The following ATP2A3 variants were observed in gnomAD, a reference collection of about 807,000 sequenced individuals.
ATP2A3 encodes the protein ATPase sarcoplasmic/endoplasmic reticulum Ca2+ transporting 3.
ATP2A3 carries 61 observed loss-of-function variants against 106.8 expected under a neutral mutation model. That is an observed-to-expected ratio of 0.57 (90% CI 0.46 to 0.71). ATP2A3 has a LOEUF of 0.71. Among genes scored for constraint, ATP2A3 ranks in the 30% least tolerant of loss-of-function variants. The pLI is 0.00. For synonymous variants in ATP2A3, 611 were observed against 609.3 expected (o/e 1.00, Z -0.04); for missense variants, 1,201 against 1,423.5 (o/e 0.84, Z 2.52).
intron 1 of ATP2A3, among the ~76,000 whole-genome samples, chr17:3,957,170 C>T (rs933210): frequency 0.18 from 27,056 of 152,212 alleles, 2,588 homozygotes; most frequent in Middle Eastern, 0.24. Context: ...TAACTCCTTG[C>T]GTGCCTTATT....
Position 3,942,666 on chromosome 17 carries a change from G to A in ATP2A3, c.1485C>T (p.Ser495=), listed in dbSNP as rs538000025. The change falls in exon 12 of 21, where the codon TCC becomes TCT. Residue 495 remains serine, a synonymous_variant. Transcript: ENST00000397041. ...GAGGGCGGGTGGGCGTGCAGTACAC[G>A]GACATGGATTTCCGGTCTCGGGAGA... ...LEFSRDRKSM[S]VYCTPTRPHP... 23 of 1,613,642 alleles carry A rather than the reference G, an allele frequency of 1.4e-5. No individual in the cohort carries two copies. The highest frequency in any genetic ancestry group is 1.9e-5 in the Non-Finnish European group (22 of 1,179,968).
At chr17:3,945,190 CCCT>C (rs1478875264) in intron 8 of ATP2A3, 42 bp from the exon 9 acceptor site, 1 of 1,522,858 alleles carries the variant, frequency 6.6e-7, no homozygotes, top group Non-Finnish European at 8.9e-7. Context: ...GGGGTCGCCT[CCCT>C]CCTCCCCGGG....
At position 3,930,166 on chromosome 17, in the gene ATP2A3, C is replaced by A; in HGVS notation, c.2744+135G>T. 8.0e-7 allele frequency: 1 copy of A among 1,252,808 alleles called. No homozygotes were observed. The highest frequency in any genetic ancestry group is 1.1e-6 in the Non-Finnish European group (1 of 912,248). 77.6% of individuals were successfully genotyped at this position (1,252,808 alleles called of 1,614,324 possible). Reference sequence around the variant, plus strand: ...GATACTGGAACCCCCAGCCCTCAGCCCCCACTCCTCGGCCCCAGCTCCAGG... The same window carrying A: ...GATACTGGAACCCCCAGCCCTCAGCACCCACTCCTCGGCCCCAGCTCCAGG... On this transcript the variant is annotated intron_variant, in intron 18 of 20. Transcript: ENST00000397041. The surrounding 1 kb of genome is among the most constrained non-coding windows in gnomAD (Gnocchi z 5.4).
intron 11 of ATP2A3, 98 bp downstream of exon 11, chr17:3,943,285 AACAAAACG>A: frequency 2.0e-6 from 3 of 1,496,814 alleles, no homozygotes; most frequent in Non-Finnish European, 2.7e-6. Context: ...AAAAAAAAAA[AACAAAACG>A]AAACAAAACA....
intron 1 of ATP2A3, among the ~76,000 whole-genome samples, chr17:3,957,889 C>T (rs1441345920): frequency 2.0e-5 from 3 of 152,336 alleles, no homozygotes; most frequent in Non-Finnish European, 2.9e-5. Flanking sequence ...CAGGAGGTGC[C>T]GCTCTCTCTG....
rs1185148291 is a variant in ATP2A3, at chr17:3,953,950, G to A, written c.119-240C>T. 1.3e-5 allele frequency among the ~76,000 whole-genome samples: 2 copies of A among 152,002 alleles called. No homozygotes were observed. Among genetic ancestry groups the A allele is most frequent in the South Asian group, 2.1e-4 (1 of 4,832 alleles). On this transcript the variant is annotated intron_variant, in intron 1 of 20. Coordinates refer to ENST00000397041, the MANE Select transcript of ATP2A3 (RefSeq NM_005173.4). The surrounding 1 kb of genome is among the most constrained non-coding windows in gnomAD (Gnocchi z 5.1). ...AAGATCTAGGGTGACTTGGCTCATC[G>A]TGGGATGAGTACGGAGCCAAGAGGG...
chr17:3,934,094 T>G (rs1024758977), intron 17 of ATP2A3, among the ~76,000 whole-genome samples: 1 of 151,374 alleles, frequency 6.6e-6, no homozygotes, highest in Admixed American at 6.6e-5. Context: ...TGGGTAATTT[T>G]TGTATTTTTA....
Position 3,953,517 on chromosome 17 carries a change from C to T in ATP2A3, c.137-88G>A. The T allele has an allele frequency of 6.5e-7, 1 of 1,528,498 alleles. No individual in the cohort carries two copies. Among genetic ancestry groups the T allele is most frequent in the South Asian group, 1.1e-5 (1 of 88,592 alleles). 94.7% of individuals were successfully genotyped at this position (1,528,498 alleles called of 1,614,324 possible). A position where few individuals can be genotyped will look rare whatever the true frequency, so the allele number is the denominator to read the frequency against. On this transcript the variant is annotated intron_variant, in intron 2 of 20. Coordinates refer to ENST00000397041, the MANE Select transcript of ATP2A3 (RefSeq NM_005173.4). This position sits in a 1 kb window ranked among gnomAD's most constrained non-coding sequence, Gnocchi z 5.1. ...GGATGGCCCGGGAGACCTCCCGGCC[C>T]ATTCCCTCCCTGCACTCAGAAGAGG...
rs2053527037 is a variant in ATP2A3, at chr17:3,937,646, A to G, written c.2101-10T>C. On this transcript the variant is annotated splice_polypyrimidine_tract_variant and intron_variant, in intron 14 of 20. Coordinates refer to ENST00000397041, the MANE Select transcript of ATP2A3 (RefSeq NM_005173.4). ...TCACTCCATCGCCAGTCTGTGGGCC[A>G]GGTCAGGTAGGGCTGTGCCTGAGAA... is the stretch of plus-strand genomic sequence containing the variant. The G allele has an allele frequency of 6.2e-7, 1 of 1,612,646 alleles. No individual in the cohort carries two copies. The highest frequency in any genetic ancestry group is 1.3e-5 in the African/African-American group (1 of 74,906).
chr17:3,943,314 T>C, intron 11 of ATP2A3, 77 bp downstream of exon 11: 1 of 1,573,970 alleles, frequency 6.4e-7, no homozygotes, highest in Non-Finnish European at 8.6e-7. Flanking sequence ...AAAACTTCAG[T>C]GTCCTGTCTG....
At chr17:3,948,241 C>A (rs1235318054) in intron 7 of ATP2A3, among the ~76,000 whole-genome samples, 8 of 152,250 alleles carry the variant, frequency 5.3e-5, no homozygotes, top group Admixed American at 3.3e-4. Context: ...ACCCAATAAA[C>A]AGTCCATTAA....
At chr17:3,958,407 A>G (rs764425676) in intron 1 of ATP2A3, among the ~76,000 whole-genome samples, 4 of 152,124 alleles carry the variant, frequency 2.6e-5, no homozygotes, top group Non-Finnish European at 5.9e-5. Flanking sequence ...TATGTGATGG[A>G]TGACTGACCC....
chr17:3,928,153 C>T lies in ATP2A3; in HGVS notation c.2980+510G>A. On this transcript the variant is annotated intron_variant, in intron 20 of 20. Coordinates refer to ENST00000397041, the MANE Select transcript of ATP2A3 (RefSeq NM_005173.4). This position sits in a 1 kb window ranked among gnomAD's most constrained non-coding sequence, Gnocchi z 6.1. ...GACACCTGCCATCCTGTCCTCTCCA[C>T]TCCGGGGTTAAGGCAGACCCAGAGC... is the stretch of plus-strand genomic sequence containing the variant. The T allele has an allele frequency of 1.9e-6, 3 of 1,602,056 alleles. No individual in the cohort carries two copies. Among genetic ancestry groups the T allele is most frequent in the East Asian group, 2.2e-5 (1 of 44,818 alleles).
chr17:3,947,406 C>T lies in ATP2A3; in HGVS notation c.1080G>A (p.Gln360=). The T allele has an allele frequency of 6.2e-7, 1 of 1,613,930 alleles. No homozygotes were observed. The highest frequency in any genetic ancestry group is 8.5e-7 in the Non-Finnish European group (1 of 1,180,052). ...CGTCACTCACCCGGCAGACAGACAT[C>T]TGATTGGTGGTGAGCGTGCCCGTCT... is the stretch of plus-strand genomic sequence containing the variant. ...SDKTGTLTTN[Q]MSVCRMFVVA... is the part of the protein sequence containing the mutation. The change falls in exon 8 of 21, where the codon CAG becomes CAA. Residue 360 remains glutamine, a synonymous_variant. Coordinates refer to ENST00000397041, the MANE Select transcript of ATP2A3 (RefSeq NM_005173.4). The surrounding 1 kb of genome is among the most constrained non-coding windows in gnomAD (Gnocchi z 7.7).
chr17:3,936,490 C>G lies in ATP2A3; in HGVS notation c.2322-21G>C, dbSNP rs763356647. Reference sequence around the variant, plus strand: ...AGATGCTGGAACAGAGTCATGAGCTCTAGCCCCGGTAGGCCTAGCCCCCGG... The same window carrying G: ...AGATGCTGGAACAGAGTCATGAGCTGTAGCCCCGGTAGGCCTAGCCCCCGG... On this transcript the variant is annotated intron_variant, in intron 15 of 20. Transcript: ENST00000397041. The surrounding 1 kb of genome is among the most constrained non-coding windows in gnomAD (Gnocchi z 5.4). 2 of 1,613,168 alleles carry G rather than the reference C, an allele frequency of 1.2e-6. No individual in the cohort carries two copies. The highest frequency in any genetic ancestry group is 1.7e-6 in the Non-Finnish European group (2 of 1,179,828).
Position 3,928,253 on chromosome 17 carries a change from G to T in ATP2A3, c.2980+410C>A, listed in dbSNP as rs759257143. ...AAAGAGGCCAACCCGGTGTGGTCTG[G>T]GGTCCAAGAGGTGGTCAGCGGCTGC... On this transcript the variant is annotated intron_variant, in intron 20 of 20. Transcript: ENST00000397041. This position sits in a 1 kb window ranked among gnomAD's most constrained non-coding sequence, Gnocchi z 6.1. The T allele has an allele frequency of 1.1e-5, 17 of 1,613,580 alleles. No individual in the cohort carries two copies. The highest frequency in any genetic ancestry group is 1.4e-5 in the Non-Finnish European group (16 of 1,180,026).
At position 3,930,555 on chromosome 17, in the gene ATP2A3, T is replaced by G; in HGVS notation, c.2611-121A>C. The G allele has an allele frequency of 2.1e-5, 21 of 984,404 alleles. No individual in the cohort carries two copies. Among genetic ancestry groups the G allele is most frequent in the Middle Eastern group, 5.5e-4 (2 of 3,620 alleles). 61.0% of individuals were successfully genotyped at this position (984,404 alleles called of 1,614,324 possible). On this transcript the variant is annotated intron_variant, in intron 17 of 20. Transcript: ENST00000397041. This position sits in a 1 kb window ranked among gnomAD's most constrained non-coding sequence, Gnocchi z 5.4. ...TGGGCACAACCAGCACACAAAACACTGCCGTGGGGTGGGCTGGGGATCCCG... is the reference window on the plus strand; with the variant it reads ...TGGGCACAACCAGCACACAAAACACGGCCGTGGGGTGGGCTGGGGATCCCG...
chr17:3,951,754 C>T, intron 3 of ATP2A3, 69 bp from the exon 4 acceptor site: 2 of 1,412,136 alleles, frequency 1.4e-6, no homozygotes, highest in South Asian at 2.5e-5. Flanking sequence ...TTCCTTGGCA[C>T]CCCGGATCTC....
At chr17:3,950,444 G>T (rs1800918) in intron 7 of ATP2A3, 67 bp downstream of exon 7, 1 of 1,545,180 alleles carries the variant, frequency 6.5e-7, no homozygotes, top group East Asian at 2.3e-5. Flanking sequence ...GATTACAGGC[G>T]TGATCATAAT....
Sources: allele counts gnomAD v4.1 joint callset (sites outside exome capture counted in the v4.1 genomes callset), GRCh38; gene constraint gnomAD v4.1.1; non-coding constraint Gnocchi (gnomAD v3.1); transcripts MANE v1.5; gene names NCBI Gene and HGNC (gene_info 2026-07-23, HGNC 2026-07-21).